Variants in CCNYL1 observed in about 807,000 individuals in gnomAD.
CCNYL1 encodes cyclin Y like 1.
In CCNYL1, 16 loss-of-function variants were observed where a neutral mutation model predicts 44.2. That is an observed-to-expected ratio of 0.36 (90% CI 0.25 to 0.55). The LOEUF (loss-of-function observed/expected upper bound fraction) is 0.55, where lower values mean the gene tolerates loss of function less well. CCNYL1 is among the 20% of genes least tolerant of loss of function. CCNYL1 has a pLI of 0.85. For synonymous variants in CCNYL1, 159 were observed against 163.2 expected (o/e 0.97, Z 0.20); for missense variants, 348 against 451.8 (o/e 0.77, Z 2.08).
At chr2:207,735,117 C>T (rs923607993) in intron 4 of CCNYL1, among the ~76,000 whole-genome samples, 2 of 152,156 alleles carry the variant, frequency 1.3e-5, no homozygotes, top group Non-Finnish European at 2.9e-5. Flanking sequence ...TAATAGATTT[C>T]ATGCTTTTTT....
intron 3 of CCNYL1, among the ~76,000 whole-genome samples, chr2:207,731,967 G>A (rs1338108414): frequency 6.6e-6 from 1 of 151,936 alleles, no homozygotes; most frequent in Non-Finnish European, 1.5e-5. Flanking sequence ...CCACCACCAC[G>A]CTTGGCTAAT....
chr2:207,733,951 C>T lies in CCNYL1; in HGVS notation c.335C>T (p.Ser112Phe). The T allele has an allele frequency of 6.2e-7, 1 of 1,606,522 alleles. No individual in the cohort carries two copies. The highest frequency in any genetic ancestry group is 8.5e-7 in the Non-Finnish European group (1 of 1,173,248). The change falls in exon 4 of 10, where the codon TCT becomes TTT. Residue 112 changes from serine to phenylalanine, a missense_variant. Transcript: ENST00000295414. ...KRKSNHLNHV[S>F]PGQLTKKYSS... ...TCTATTTCCCTTCCCCTTCAGGTAT[C>T]TCCAGGGCAGCTTACTAAAAAGTAT...
At chr2:207,743,896 A>G (rs1293611750) in intron 7 of CCNYL1, among the ~76,000 whole-genome samples, 1 of 152,056 alleles carries the variant, frequency 6.6e-6, no homozygotes. Flanking sequence ...TGGTCTCAGA[A>G]CTGACCTCAG....
intron 2 of CCNYL1, among the ~76,000 whole-genome samples, chr2:207,725,126 A>ATTTTTTTTTT (rs34595478): frequency 7.4e-6 from 1 of 135,398 alleles, no homozygotes. Context: ...AGTAACATGG[A>ATTTTTTTTTT]TTTTTTTTTT....
rs982340615 is a variant in CCNYL1 at position 207,755,925 on chromosome 2, T to C, written c.*2227T>C. ...TCTGGGACAGGAGTACTTCCTCTATTATAGCAATGCTTCACATCATATTGT... is the reference window on the plus strand; with the variant it reads ...TCTGGGACAGGAGTACTTCCTCTATCATAGCAATGCTTCACATCATATTGT... On this transcript the variant is annotated 3_prime_UTR_variant, in exon 10 of 10. Transcript: ENST00000295414. The C allele has an allele frequency of 6.6e-6, 1 of 151,502 alleles. No individual in the cohort carries two copies. Among genetic ancestry groups the C allele is most frequent in the African/African-American group, 2.5e-5 (1 of 40,794 alleles). 9.4% of individuals were successfully genotyped at this position (151,502 alleles called of 1,614,324 possible).
chr2:207,755,181 C>G lies in CCNYL1; in HGVS notation c.*1483C>G, dbSNP rs182574357. ...ATTGCTTGAGTGCAGGAGTTCAAGA[C>G]CAGTCTAGGCAACATAGTGAGACCC... On this transcript the variant is annotated 3_prime_UTR_variant, in exon 10 of 10. Coordinates refer to ENST00000295414, the MANE Select transcript of CCNYL1 (RefSeq NM_001330218.2). 1 of 152,166 alleles carries G rather than the reference C, an allele frequency of 6.6e-6. No homozygotes were observed. The highest frequency in any genetic ancestry group is 1.9e-4 in the East Asian group (1 of 5,154). The allele number at this position is 152,166 out of a possible 1,614,324, so 9.4% of individuals were successfully genotyped here. A position where few individuals can be genotyped will look rare whatever the true frequency, so the allele number is the denominator to read the frequency against.
At chr2:207,746,316 A>G (rs958921982) in intron 7 of CCNYL1, among the ~76,000 whole-genome samples, 1 of 152,230 alleles carries the variant, frequency 6.6e-6, no homozygotes, top group African/African-American at 2.4e-5. Flanking sequence ...GAAGGTAAAA[A>G]TGTGCTCAGT....
rs2091559856 is a variant in CCNYL1 at position 207,712,618 on chromosome 2, G to GGGTCTAAAGAAATTTTGGGTCTAAAGAAA, written c.220+502_220+503insGGTCTAAAGAAATTTTGGGTCTAAAGAAA. Among the ~76,000 whole-genome samples, 42 of 152,138 alleles carry GGGTCTAAAGAAATTTTGGGTCTAAAGAAA rather than the reference G, an allele frequency of 2.8e-4. 1 individual carries two copies. The highest frequency in any genetic ancestry group is 2.8e-3 in the Admixed American group (42 of 15,268). On this transcript the variant is annotated intron_variant, in intron 1 of 9. Coordinates refer to ENST00000295414, the MANE Select transcript of CCNYL1 (RefSeq NM_001330218.2). ...TGCCCGCGACAGTTTAGACCCAGAT[G>GGGTCTAAAGAAATTTTGGGTCTAAAGAAA]TTTGAGGATTTCTTATCTAGACTCA... is the stretch of plus-strand genomic sequence containing the variant.
intron 8 of CCNYL1, among the ~76,000 whole-genome samples, chr2:207,750,276 C>A (rs2091882102): frequency 6.6e-6 from 1 of 152,222 alleles, no homozygotes; most frequent in Admixed American, 6.5e-5. Flanking sequence ...AGTATCCTCA[C>A]CCTGTCATAG....
At chr2:207,753,165 A>C (rs1435983681) in intron 9 of CCNYL1, among the ~76,000 whole-genome samples, 4 of 152,212 alleles carry the variant, frequency 2.6e-5, no homozygotes, top group African/African-American at 7.2e-5. Context: ...CCTCATTAAA[A>C]TGTGCTTTGA....
chr2:207,719,876 T>C (rs2091626685), intron 1 of CCNYL1, among the ~76,000 whole-genome samples: 2 of 151,962 alleles, frequency 1.3e-5, no homozygotes, highest in Admixed American at 1.3e-4. Flanking sequence ...CTAAGAGTTT[T>C]CCAAGGTTTA....
At chr2:207,753,456 ACT>A in intron 9 of CCNYL1, 130 bp from the exon 10 acceptor site, 1 of 597,940 alleles carries the variant, frequency 1.7e-6, no homozygotes, top group Non-Finnish European at 3.0e-6. Flanking sequence ...GCAGTGTAAA[ACT>A]CAGCCAAAGT....
At chr2:207,751,714 C>T (rs1365349908) in intron 9 of CCNYL1, among the ~76,000 whole-genome samples, 3 of 152,108 alleles carry the variant, frequency 2.0e-5, no homozygotes, top group Non-Finnish European at 2.9e-5. Context: ...ATTAGCCGGC[C>T]GTGGTGGCGC....
rs1214819276 is a variant in CCNYL1 at position 207,733,985 on chromosome 2, C to T, written c.369C>T (p.Cys123=). 1.2e-6 allele frequency: 2 copies of T among 1,613,464 alleles called. No individual in the cohort carries two copies. The highest frequency in any genetic ancestry group is 2.2e-5 in the East Asian group (1 of 44,888). Residue 123 remains cysteine (C), a synonymous_variant, in exon 4 of 10, where the codon TGC becomes TGT. Coordinates refer to ENST00000295414, the MANE Select transcript of CCNYL1 (RefSeq NM_001330218.2). ...AGCTTACTAAAAAGTATAGCTCATGCTCAACAATATTTCTAGATGACAGCA... is the reference window on the plus strand; with the variant it reads ...AGCTTACTAAAAAGTATAGCTCATGTTCAACAATATTTCTAGATGACAGCA... ...PGQLTKKYSS[C]STIFLDDSTV...
chr2:207,744,059 C>G (rs1404286113), intron 7 of CCNYL1, among the ~76,000 whole-genome samples: 1 of 152,090 alleles, frequency 6.6e-6, no homozygotes, highest in Non-Finnish European at 1.5e-5. Context: ...GAAGATGAAG[C>G]AGCATAAAGG....
At chr2:207,721,560 T>C (rs1298685326) in intron 1 of CCNYL1, among the ~76,000 whole-genome samples, 1 of 152,222 alleles carries the variant, frequency 6.6e-6, no homozygotes, top group African/African-American at 2.4e-5. Context: ...GACCTGAGTT[T>C]AATTTTTTTT....
intron 8 of CCNYL1, among the ~76,000 whole-genome samples, chr2:207,748,729 GAGGATACTTGTGACTAAAA>G (rs1014973429): frequency 6.6e-6 from 1 of 152,204 alleles, no homozygotes; most frequent in African/African-American, 2.4e-5. Context: ...CAACTGAAGT[GAGGATACTTGTGACTAAAA>G]AGGAACCAGT....
intron 1 of CCNYL1, among the ~76,000 whole-genome samples, chr2:207,716,576 G>C (rs909860829): frequency 6.6e-6 from 1 of 152,124 alleles, no homozygotes; most frequent in East Asian, 1.9e-4. Flanking sequence ...AGGACACCCT[G>C]CTCTATCGCA....
intron 7 of CCNYL1, among the ~76,000 whole-genome samples, chr2:207,743,629 T>C (rs755576439): frequency 2.0e-5 from 3 of 152,016 alleles, no homozygotes; most frequent in Non-Finnish European, 4.4e-5. Context: ...CTCTAAAGAC[T>C]GTTAGCATTT....
Sources: allele counts gnomAD v4.1 joint callset (sites outside exome capture counted in the v4.1 genomes callset), GRCh38; gene constraint gnomAD v4.1.1; transcripts MANE v1.5; gene names NCBI Gene and HGNC (gene_info 2026-07-23, HGNC 2026-07-21).